PRKCH: variants seen among roughly 807,000 people sequenced by gnomAD.
The protein encoded by PRKCH is protein kinase C eta, also known as protein kinase C eta type.
A neutral mutation model predicts 82.5 loss-of-function variants in PRKCH; 28 were observed. The ratio of observed to expected loss-of-function variants is 0.34; its 90% CI spans 0.25 to 0.47. The LOEUF (loss-of-function observed/expected upper bound fraction) is 0.47. Among genes scored for constraint, PRKCH ranks in the 20% least tolerant of loss-of-function variants. The pLI is 1.00. For synonymous variants in PRKCH, 322 were observed against 327.4 expected, an observed-to-expected ratio of 0.98 and a Z score of 0.18; for missense variants, 705 against 881.8, an observed-to-expected ratio of 0.80 and a Z score of 2.54.
chr14:61,523,940 C>A (rs553679763), intron 10 of PRKCH, among the ~76,000 whole-genome samples: 1 of 152,190 alleles, frequency 6.6e-6, no homozygotes, highest in African/African-American at 2.4e-5. Context: ...CATGTTTGGA[C>A]GTGCATTGGC....
chr14:61,247,735 C>CAAAAAAAAAAAAAAAAAAAA (rs202153655), intron 1 of PRKCH, among the ~76,000 whole-genome samples: 1 of 52,718 alleles, frequency 1.9e-5, no homozygotes, highest in African/African-American at 7.9e-5. Flanking sequence ...GACTCCATCT[C>CAAAAAAAAAAAAAAAAAAAA]AAAAAAAAAA....
intron 1 of PRKCH, among the ~76,000 whole-genome samples, chr14:61,270,784 C>T (rs906833426): frequency 7.2e-5 from 11 of 152,040 alleles, no homozygotes; most frequent in African/African-American, 2.7e-4. Flanking sequence ...GCCAGTGAGG[C>T]CCACATAGCA....
At chr14:61,454,744 C>T (rs773578040) in intron 7 of PRKCH, among the ~76,000 whole-genome samples, 2 of 152,314 alleles carry the variant, frequency 1.3e-5, no homozygotes, top group African/African-American at 2.4e-5. Context: ...GAATGACCTC[C>T]ACCTGCTGTC....
At chr14:61,506,421 G>A (rs1228241441) in intron 10 of PRKCH, among the ~76,000 whole-genome samples, 1 of 152,098 alleles carries the variant, frequency 6.6e-6, no homozygotes, top group African/African-American at 2.4e-5. Context: ...GGTAAGTGAT[G>A]TCCTGGCCAG....
chr14:61,411,363 A>T (rs1882260467), intron 2 of PRKCH, among the ~76,000 whole-genome samples: 1 of 152,178 alleles, frequency 6.6e-6, no homozygotes, highest in South Asian at 2.1e-4. Context: ...TCAGCCACAG[A>T]TGTATTTATT....
chr14:61,343,073 A>G (rs573699871), intron 1 of PRKCH, among the ~76,000 whole-genome samples: 73 of 152,280 alleles, frequency 4.8e-4, no homozygotes, highest in African/African-American at 1.7e-3. Flanking sequence ...TCTTGCCTTT[A>G]CTTTTATCTG....
At chr14:61,349,521 GA>G (rs1249229434) in intron 1 of PRKCH, among the ~76,000 whole-genome samples, 1 of 152,174 alleles carries the variant, frequency 6.6e-6, no homozygotes, top group Non-Finnish European at 1.5e-5. Flanking sequence ...GGGCATGCCA[GA>G]TGACACCTTT....
intron 1 of PRKCH, among the ~76,000 whole-genome samples, chr14:61,335,500 G>T (rs1472664522): frequency 6.6e-6 from 1 of 151,828 alleles, no homozygotes; most frequent in Non-Finnish European, 1.5e-5. Context: ...TACATTTATG[G>T]CTGAGAATTA....
At chr14:61,320,759 TCAGAAGGC>T (rs1228245920), upstream of PRKCH, among the ~76,000 whole-genome samples, 1 of 152,094 alleles carries the variant, frequency 6.6e-6, no homozygotes, top group Non-Finnish European at 1.5e-5. Context: ...GTGGGAAGCA[TCAGAAGGC>T]TGCCCACTCT....
chr14:61,522,920 A>G lies in PRKCH; in HGVS notation c.1434-6155A>G, dbSNP rs531638347. Among the ~76,000 whole-genome samples, 30 of 152,388 alleles carry G rather than the reference A, an allele frequency of 2.0e-4. 1 individual carries two copies. The South Asian group carries it at 6.2e-3, about 32-fold the overall frequency. On this transcript the variant is annotated intron_variant, in intron 10 of 13. Coordinates refer to ENST00000332981, the MANE Select transcript of PRKCH (RefSeq NM_006255.5). The stretch of plus-strand genomic sequence containing the variant: ...CTACTGTCTAACTCACGATGAAACC[A>G]AATGTTATGCTTTTGCTAATTCAGT...
Position 61,549,935 on chromosome 14 carries a change from C to A in PRKCH, c.*104C>A. 7.7e-7 allele frequency: 1 copy of A among 1,294,450 alleles called. No homozygotes were observed. Among genetic ancestry groups the A allele is most frequent in the South Asian group, 1.5e-5 (1 of 68,296 alleles). The allele number at this position is 1,294,450 out of a possible 1,614,324, so 80.2% of individuals were successfully genotyped here. The stretch of plus-strand genomic sequence containing the variant: ...CCCAGCATCAGCCTTAGAACAAGAA[C>A]CTTACCTTCAAGGAGCAAGTGAAGA... On this transcript the variant is annotated 3_prime_UTR_variant, in exon 14 of 14. Coordinates refer to ENST00000332981, the MANE Select transcript of PRKCH (RefSeq NM_006255.5).
chr14:61,286,350 G>A (rs1402807334), intron 1 of PRKCH, among the ~76,000 whole-genome samples: 2 of 152,168 alleles, frequency 1.3e-5, no homozygotes, highest in Admixed American at 6.5e-5. Context: ...AAGTTATGGA[G>A]TGGTACCCCC....
chr14:61,363,171 TAA>T (rs2046252563), intron 1 of PRKCH, among the ~76,000 whole-genome samples: 1 of 152,146 alleles, frequency 6.6e-6, no homozygotes, highest in South Asian at 2.1e-4. Flanking sequence ...TCAAGGACTA[TAA>T]AGGGGTAGTT....
chr14:61,444,875 G>C (rs1177746485), intron 3 of PRKCH, among the ~76,000 whole-genome samples: 2 of 152,178 alleles, frequency 1.3e-5, no homozygotes, highest in African/African-American at 4.8e-5. Flanking sequence ...CTTCATTAGA[G>C]CCCTGTGCAG....
chr14:61,355,661 A>G (rs2046138202), intron 1 of PRKCH, among the ~76,000 whole-genome samples: 1 of 152,146 alleles, frequency 6.6e-6, no homozygotes. Flanking sequence ...CATATTCAAC[A>G]TGGAAATTTC....
At chr14:61,375,251 C>G (rs763478508) in intron 1 of PRKCH, among the ~76,000 whole-genome samples, 65 of 152,074 alleles carry the variant, frequency 4.3e-4, no homozygotes, top group Non-Finnish European at 6.2e-4. Context: ...TCAGCTTGGA[C>G]TTCATTGTCC....
intron 1 of PRKCH, among the ~76,000 whole-genome samples, chr14:61,355,172 T>G (rs1279192080): frequency 6.6e-6 from 1 of 152,230 alleles, no homozygotes; most frequent in Non-Finnish European, 1.5e-5. Flanking sequence ...TCATTTAATG[T>G]CTTACTTTTG....
At chr14:61,432,165 T>TA (rs1883433591) in intron 2 of PRKCH, among the ~76,000 whole-genome samples, 1 of 152,086 alleles carries the variant, frequency 6.6e-6, no homozygotes, top group South Asian at 2.1e-4. Context: ...CTGAGCAATC[T>TA]AAGGATGTTA....
intron 9 of PRKCH, among the ~76,000 whole-genome samples, chr14:61,470,230 G>A (rs2140310710): frequency 6.6e-6 from 1 of 151,990 alleles, no homozygotes; most frequent in African/African-American, 2.4e-5. Context: ...GGTTAGTGGT[G>A]GGTTCTGGGT....
Sources: gnomAD v4.1 joint callset for allele counts (sites outside exome capture counted in the v4.1 genomes callset) on GRCh38, gnomAD v4.1.1 for gene constraint, MANE v1.5 for transcripts, NCBI Gene and HGNC (gene_info 2026-07-23, HGNC 2026-07-21) for gene names.